NCOR1: variants seen among roughly 807,000 people sequenced by gnomAD.
NCOR1 encodes protein phosphatase 1, regulatory subunit 109.
NCOR1 carries 63 observed loss-of-function variants against 288.1 expected under a neutral mutation model. The ratio of observed to expected loss-of-function variants is 0.22; its 90% CI spans 0.18 to 0.27. NCOR1 has a LOEUF of 0.27. Among genes scored for constraint, NCOR1 ranks in the 10% least tolerant of loss-of-function variants. NCOR1 has a pLI of 1.00. For synonymous variants in NCOR1, 1,007 were observed against 1,065.9 expected (o/e 0.94, Z 1.08); for missense variants, 2,397 against 3,019.2 (o/e 0.79, Z 4.83).
chr17:16,042,354 T>C (rs1431329618), intron 42 of NCOR1, among the ~76,000 whole-genome samples: 1 of 152,246 alleles, frequency 6.6e-6, no homozygotes. Context: ...TTGTTAAGAT[T>C]ACCTTATTGA....
At chr17:16,185,856 G>C (rs991103956) in intron 3 of NCOR1, among the ~76,000 whole-genome samples, 2 of 151,656 alleles carry the variant, frequency 1.3e-5, no homozygotes, top group African/African-American at 2.4e-5. Flanking sequence ...AGAATCACTT[G>C]AGCCCAGGAG....
At chr17:16,153,822 C>CACTTAAAGCA (rs1328881138) in intron 6 of NCOR1, among the ~76,000 whole-genome samples, 1 of 151,864 alleles carries the variant, frequency 6.6e-6, no homozygotes, top group South Asian at 2.1e-4. Flanking sequence ...AATAAAATAC[C>CACTTAAAGCA]ATAAAATGGC....
At chr17:16,156,740 T>C (rs1460358920) in intron 6 of NCOR1, among the ~76,000 whole-genome samples, 1 of 152,040 alleles carries the variant, frequency 6.6e-6, no homozygotes, top group Non-Finnish European at 1.5e-5. Context: ...TTTTCAAGTT[T>C]TGCTAATGTG....
At position 16,062,285 on chromosome 17, in the gene NCOR1, A is replaced by G; in HGVS notation, c.5222-15T>C. ...CTGTTCTGAGCCTGCAGAGGTGAAA[A>G]AGAGAAAGAAACAAAGACATAAGGA... On this transcript the variant is annotated splice_polypyrimidine_tract_variant and intron_variant, in intron 35 of 45. Transcript: ENST00000268712. The G allele has an allele frequency of 6.4e-7, 1 of 1,573,190 alleles. No individual in the cohort carries two copies. The highest frequency in any genetic ancestry group is 8.6e-7 in the Non-Finnish European group (1 of 1,167,694).
rs200311165 is a variant in NCOR1 at position 16,165,150 on chromosome 17, G to A, written c.447C>T (p.Phe149=). 32 of 1,595,096 alleles carry A rather than the reference G, an allele frequency of 2.0e-5. No individual in the cohort carries two copies. The highest frequency in any genetic ancestry group is 4.5e-5 in the East Asian group (2 of 44,600). ...ASADAKKDPA[F]GGKHEAPSSP... is the part of the protein sequence containing the mutation. ...AGGATGGAGCTTCATGTTTGCCTCC[G>A]AATGCTGGATCCTTTAGAGAATAAA... Residue 149 remains phenylalanine, a synonymous_variant, in exon 5 of 46, where the codon TTC becomes TTT. Coordinates refer to ENST00000268712, the MANE Select transcript of NCOR1 (RefSeq NM_006311.4).
rs149160967 is a variant in NCOR1 at position 16,173,526 on chromosome 17, T to C, written c.243-1531A>G. On this transcript the variant is annotated intron_variant, in intron 3 of 45. Transcript: ENST00000268712. ...TAAAGAATTGGCAAAAAAAAAACTA[T>C]TAGAGCTAACAAATAAATACATCGA... is the stretch of plus-strand genomic sequence containing the variant. Among the ~76,000 whole-genome samples the C allele has an allele frequency of 7.6e-3, 1,150 of 152,170 alleles. 19 individuals are homozygous for C. Among genetic ancestry groups the C allele is most frequent in the East Asian group, 0.049 (256 of 5,178 alleles).
intron 4 of NCOR1, among the ~76,000 whole-genome samples, chr17:16,170,575 C>T (rs1337184563): frequency 1.3e-5 from 2 of 152,084 alleles, no homozygotes; most frequent in African/African-American, 4.8e-5. Flanking sequence ...TGGCTCATGC[C>T]TGTAATCCCA....
intron 23 of NCOR1, chr17:16,084,018 GC>G (rs138071430): frequency 0.039 from 5,889 of 152,254 alleles, 117 homozygotes; most frequent in East Asian, 0.076. Context: ...TGCCTCTGCT[GC>G]TGCCAGGTGC....
Position 16,101,554 on chromosome 17 carries a change from T to C in NCOR1, c.2386A>G (p.Met796Val). 1 of 1,614,166 alleles carries C rather than the reference T, an allele frequency of 6.2e-7. No homozygotes were observed. The highest frequency in any genetic ancestry group is 8.5e-7 in the Non-Finnish European group (1 of 1,180,002). ...CTGTGCTCCTGCTGATCTACATCCA[T>C]CTGCTCTGCTGTCTCAGCACTGATG... ...DSISAETAEQ[M>V]DVDQQEHSAE... The change falls in exon 20 of 46, where the codon ATG (methionine) becomes GTG (valine). Residue 796 changes from methionine (M) to valine (V), a missense_variant. Transcript: ENST00000268712.
chr17:16,060,213 T>TA (rs554906608), intron 37 of NCOR1, among the ~76,000 whole-genome samples: 3 of 152,150 alleles, frequency 2.0e-5, no homozygotes, highest in African/African-American at 4.8e-5. Context: ...TGACCAGTGA[T>TA]AAAAAAGATA....
chr17:16,063,830 C>T, intron 35 of NCOR1, among the ~76,000 whole-genome samples: 1 of 152,276 alleles, frequency 6.6e-6, no homozygotes, highest in African/African-American at 2.4e-5. Context: ...AACTGCAGTC[C>T]ACTGTTTGCA....
At chr17:16,120,997 G>C in intron 16 of NCOR1, 55 bp downstream of exon 16, 6 of 1,499,074 alleles carry the variant, frequency 4.0e-6, no homozygotes, top group Non-Finnish European at 5.5e-6. Context: ...TCCTAGCAGT[G>C]AAACAGAATC....
chr17:16,175,285 T>C (rs2083919347), intron 3 of NCOR1, among the ~76,000 whole-genome samples: 1 of 152,000 alleles, frequency 6.6e-6, no homozygotes, highest in Admixed American at 6.6e-5. Context: ...GGAGAATCGC[T>C]TGAACCCAGG....
chr17:16,136,351 A>T lies in NCOR1; in HGVS notation c.1509+960T>A, dbSNP rs150412105. Among the ~76,000 whole-genome samples the T allele has an allele frequency of 5.3e-5, 8 of 152,086 alleles. No homozygotes were observed. The East Asian group carries it at 1.6e-3, about 29-fold the overall frequency. ...CAGGCATGCACCATCATGCCCGGCT[A>T]ATTTTTTCTATTATTTTGTAAAGAC... On this transcript the variant is annotated intron_variant, in intron 14 of 45. Coordinates refer to ENST00000268712, the MANE Select transcript of NCOR1 (RefSeq NM_006311.4).
At chr17:16,036,875 A>G (rs186293816) in intron 44 of NCOR1, among the ~76,000 whole-genome samples, 70 of 152,382 alleles carry the variant, frequency 4.6e-4, no homozygotes, top group African/African-American at 1.6e-3. Context: ...TCACTGGAAT[A>G]GCACTTTCAA....
intron 3 of NCOR1, among the ~76,000 whole-genome samples, chr17:16,173,877 C>T (rs922695658): frequency 2.6e-5 from 4 of 151,836 alleles, no homozygotes; most frequent in Non-Finnish European, 5.9e-5. Flanking sequence ...GTTGAGGTGA[C>T]CCGAGATCAT....
intron 15 of NCOR1, among the ~76,000 whole-genome samples, chr17:16,124,035 G>T (rs2073529506): frequency 1.3e-5 from 2 of 152,216 alleles, no homozygotes; most frequent in South Asian, 4.1e-4. Context: ...AGAACCACTG[G>T]CTACATGGCC....
At chr17:16,067,786 C>A (rs1470365083) in intron 32 of NCOR1, 108 bp downstream of exon 32, 7 of 1,090,170 alleles carry the variant, frequency 6.4e-6, no homozygotes, top group Non-Finnish European at 9.0e-6. Context: ...CTGAGCTGTA[C>A]ATTAATGATA....
chr17:16,126,242 G>A (rs2153191053), intron 14 of NCOR1, 36 bp from the exon 15 acceptor site: 1 of 1,500,116 alleles, frequency 6.7e-7, no homozygotes, highest in East Asian at 2.4e-5. Flanking sequence ...AAATTCAAAG[G>A]CAAACAGAAA....
Sources: allele counts gnomAD v4.1 joint callset (sites outside exome capture counted in the v4.1 genomes callset), GRCh38; gene constraint gnomAD v4.1.1; transcripts MANE v1.5; gene names NCBI Gene and HGNC (gene_info 2026-07-23, HGNC 2026-07-21).